Variants in PTPRD observed in about 807,000 individuals in gnomAD.
PTPRD encodes the protein protein tyrosine phosphatase receptor type D, also known as receptor-type tyrosine-protein phosphatase delta.
Under a neutral mutation model 214.5 loss-of-function variants are expected in PTPRD, and 34 were observed. That is an observed-to-expected ratio of 0.16 (90% CI 0.12 to 0.21). The LOEUF is 0.21. Ranked by LOEUF, PTPRD falls within the 10% of genes least tolerant of loss-of-function variation. PTPRD has a pLI of 1.00. For missense variants in PTPRD, 2,545 were observed against 2,398.7 expected (o/e 1.06, Z -1.27); for synonymous variants, 1,128 against 845.7 (o/e 1.33, Z -5.79).
chr9:9,415,742 C>A (rs576176870), intron 8 of PTPRD, among the ~76,000 whole-genome samples: 5 of 152,210 alleles, frequency 3.3e-5, no homozygotes, highest in Non-Finnish European at 7.4e-5. Flanking sequence ...TCAATCTGTT[C>A]TTTAATAGAG....
At chr9:8,631,411 G>T (rs981588365) in intron 14 of PTPRD, among the ~76,000 whole-genome samples, 3 of 151,746 alleles carry the variant, frequency 2.0e-5, no homozygotes, top group African/African-American at 7.3e-5. Context: ...GCTTGCTGGT[G>T]GTAGCTGACT....
chr9:9,142,708 T>C, intron 10 of PTPRD, among the ~76,000 whole-genome samples: 1 of 152,212 alleles, frequency 6.6e-6, no homozygotes, highest in East Asian at 1.9e-4. Context: ...AGGAAAGAAT[T>C]CAGAATTTCT....
chr9:9,774,542 C>T (rs527568182), intron 5 of PTPRD, among the ~76,000 whole-genome samples: 1 of 152,060 alleles, frequency 6.6e-6, no homozygotes, highest in Admixed American at 6.6e-5. Context: ...TAGTGAATAC[C>T]ATCAACTTCA....
chr9:10,280,218 G>T (rs1306660060), intron 3 of PTPRD, among the ~76,000 whole-genome samples: 1 of 151,932 alleles, frequency 6.6e-6, no homozygotes, highest in Admixed American at 6.6e-5. Flanking sequence ...ATTACCTAAG[G>T]AGTTTTAACA....
intron 11 of PTPRD, among the ~76,000 whole-genome samples, chr9:8,850,257 G>T (rs2097785307): frequency 6.6e-6 from 1 of 152,076 alleles, no homozygotes; most frequent in Non-Finnish European, 1.5e-5. Context: ...TATTTTGAAG[G>T]TTATCTATGT....
At chr9:10,046,708 T>C (rs771884041) in intron 3 of PTPRD, among the ~76,000 whole-genome samples, 2 of 151,932 alleles carry the variant, frequency 1.3e-5, no homozygotes, top group Non-Finnish European at 2.9e-5. Flanking sequence ...AGATGGATGA[T>C]TGCACTCAGA....
rs147388707 is a variant in PTPRD at position 9,482,126 on chromosome 9, A to C, written c.-236-84644T>G. 4.8e-3 allele frequency among the ~76,000 whole-genome samples: 727 copies of C among 152,170 alleles called. 4 individuals carry two copies. The highest frequency in any genetic ancestry group is 0.016 in the African/African-American group (682 of 41,540). On this transcript the variant is annotated intron_variant, in intron 8 of 45. Transcript: ENST00000381196. The stretch of plus-strand genomic sequence containing the variant: ...GTAAGGAAGTGATCAAGAGGTACAG[A>C]CAGGTGGGCGAGGTTGGGAGAGTAA...
chr9:9,083,637 C>G (rs324469), intron 10 of PTPRD, among the ~76,000 whole-genome samples: 2 of 151,936 alleles, frequency 1.3e-5, no homozygotes, highest in South Asian at 2.1e-4. Context: ...GGGAGAAAAT[C>G]TTTGCAATCT....
At chr9:8,487,833 AACAAACAG>A (rs1157978433) in intron 27 of PTPRD, among the ~76,000 whole-genome samples, 2 of 129,626 alleles carry the variant, frequency 1.5e-5, no homozygotes, top group Non-Finnish European at 3.4e-5. Context: ...CAAACAAACA[AACAAACAG>A]CTTGGCAACA....
intron 9 of PTPRD, among the ~76,000 whole-genome samples, chr9:9,302,609 T>TC (rs1467460851): frequency 5.4e-5 from 8 of 148,680 alleles, no homozygotes; most frequent in Non-Finnish European, 1.0e-4. Context: ...TTCTTTTTTT[T>TC]TTTTTTTTGT....
chr9:10,503,953 A>G (rs2133368110), intron 2 of PTPRD, among the ~76,000 whole-genome samples: 1 of 151,336 alleles, frequency 6.6e-6, no homozygotes, highest in East Asian at 2.0e-4. Flanking sequence ...CATCTCTACT[A>G]AAAATACAAA....
At chr9:9,608,910 A>G (rs1332533364) in intron 7 of PTPRD, among the ~76,000 whole-genome samples, 2 of 152,084 alleles carry the variant, frequency 1.3e-5, no homozygotes, top group Non-Finnish European at 2.9e-5. Flanking sequence ...TTTATTGTTT[A>G]TTCTTTATTC....
chr9:10,028,581 G>C (rs892075436), intron 4 of PTPRD, among the ~76,000 whole-genome samples: 32 of 152,132 alleles, frequency 2.1e-4, no homozygotes, highest in African/African-American at 7.5e-4. Context: ...TGAGGGACTT[G>C]TTGGGAACTG....
At chr9:9,247,329 T>G (rs2099973517) in intron 9 of PTPRD, among the ~76,000 whole-genome samples, 1 of 152,060 alleles carries the variant, frequency 6.6e-6, no homozygotes, top group Non-Finnish European at 1.5e-5. Context: ...CCAATCACAT[T>G]TCTACCTGGC....
chr9:9,977,826 A>G (rs2095410390), intron 4 of PTPRD, among the ~76,000 whole-genome samples: 1 of 152,156 alleles, frequency 6.6e-6, no homozygotes, highest in South Asian at 2.1e-4. Context: ...TGAAGAGGCA[A>G]TGGAAAAATA....
intron 4 of PTPRD, among the ~76,000 whole-genome samples, chr9:10,007,523 G>C (rs535950384): frequency 1.9e-4 from 29 of 151,902 alleles, no homozygotes; most frequent in Non-Finnish European, 3.2e-4. Flanking sequence ...TGGATGGTTT[G>C]GGCACTAAAT....
At chr9:8,491,991 T>A (rs900275222) in intron 27 of PTPRD, among the ~76,000 whole-genome samples, 1 of 152,254 alleles carries the variant, frequency 6.6e-6, no homozygotes, top group Non-Finnish European at 1.5e-5. Context: ...CTTAATTTAC[T>A]CATTCTACAA....
At chr9:9,102,996 T>C (rs572840657) in intron 10 of PTPRD, among the ~76,000 whole-genome samples, 1 of 152,366 alleles carries the variant, frequency 6.6e-6, no homozygotes, top group East Asian at 1.9e-4. Flanking sequence ...GGTCTCTGTG[T>C]CTTTGATACT....
intron 31 of PTPRD, among the ~76,000 whole-genome samples, chr9:8,470,592 T>C (rs1012454295): frequency 1.3e-5 from 2 of 152,140 alleles, no homozygotes; most frequent in Non-Finnish European, 2.9e-5. Context: ...TGAACTCTGC[T>C]GCAAATTGCA....
Sources: gnomAD v4.1 joint callset for allele counts (sites outside exome capture counted in the v4.1 genomes callset) on GRCh38, gnomAD v4.1.1 for gene constraint, MANE v1.5 for transcripts, NCBI Gene and HGNC (gene_info 2026-07-23, HGNC 2026-07-21) for gene names.